Variants in SORBS2 observed in about 807,000 individuals in gnomAD.
The protein encoded by SORBS2 is sorbin and SH3 domain-containing protein 2.
Under a neutral mutation model 97.7 loss-of-function variants are expected in SORBS2, and 46 were observed. The observed-to-expected ratio is 0.47, with a 90% CI of 0.37 to 0.60. The LOEUF (loss-of-function observed/expected upper bound fraction) is 0.60, where lower values mean the gene tolerates loss of function less well. Among genes scored for constraint, SORBS2 ranks in the 20% least tolerant of loss-of-function variants. SORBS2 has a pLI of 0.00. For missense variants in SORBS2, 1,316 were observed against 1,282.3 expected (o/e 1.03, Z -0.40); for synonymous variants, 476 against 473.4 (o/e 1.01, Z -0.07).
chr4:185,709,311 T>TTTTTTTTTG (rs2098394708), intron 2 of SORBS2, among the ~76,000 whole-genome samples: 1 of 145,734 alleles, frequency 6.9e-6, no homozygotes, highest in African/African-American at 2.6e-5. Flanking sequence ...AATCTTTTTT[T>TTTTTTTTTG]TTTTTTTTTT....
intron 12 of SORBS2, among the ~76,000 whole-genome samples, chr4:185,601,344 C>T (rs2096257281): frequency 6.6e-6 from 1 of 152,120 alleles, no homozygotes; most frequent in Non-Finnish European, 1.5e-5. Flanking sequence ...AAGCTGAGAC[C>T]GAGGGGATAT....
At chr4:185,647,132 CATGTTT>C (rs2097220857) in intron 3 of SORBS2, among the ~76,000 whole-genome samples, 1 of 152,140 alleles carries the variant, frequency 6.6e-6, no homozygotes, top group African/African-American at 2.4e-5. Flanking sequence ...ATGCACACAC[CATGTTT>C]GATCTTATTT....
Position 185,814,159 on chromosome 4 carries a change from C to G in SORBS2, c.-337-38793G>C, listed in dbSNP as rs1013031714. On this transcript the variant is annotated intron_variant, in intron 1 of 20. Coordinates refer to the SORBS2 transcript ENST00000284776. Reference sequence around the variant, plus strand: ...GGATATCAAGAAAACTCTAGGTGCACTTGATGTTTTAGGGTGGCTTTTCTT... The same window carrying G: ...GGATATCAAGAAAACTCTAGGTGCAGTTGATGTTTTAGGGTGGCTTTTCTT... Among the ~76,000 whole-genome samples the G allele has an allele frequency of 7.9e-5, 12 of 152,072 alleles. No individual in the cohort carries two copies. In the East Asian group the frequency reaches 2.1e-3, roughly 27 times the overall value.
intron 2 of SORBS2, among the ~76,000 whole-genome samples, chr4:185,730,241 G>T (rs992032655): frequency 6.0e-5 from 9 of 150,702 alleles, no homozygotes; most frequent in Non-Finnish European, 1.3e-4. Flanking sequence ...AAACAATGAT[G>T]TGCAAGTACA....
At chr4:185,695,707 T>C (rs1344246449) in intron 2 of SORBS2, among the ~76,000 whole-genome samples, 2 of 152,240 alleles carry the variant, frequency 1.3e-5, no homozygotes, top group African/African-American at 4.8e-5. Context: ...ATAAGAAGTA[T>C]TCATAAATGC....
upstream of SORBS2, among the ~76,000 whole-genome samples, chr4:185,659,472 AGTG>A (rs2097475728): frequency 6.6e-6 from 1 of 151,786 alleles, no homozygotes; most frequent in African/African-American, 2.4e-5. Context: ...GCTGGAGTGC[AGTG>A]GCGCGATCTC....
intron 2 of SORBS2, among the ~76,000 whole-genome samples, chr4:185,755,719 C>G (rs145299865): frequency 5.3e-5 from 8 of 152,328 alleles, no homozygotes; most frequent in Admixed American, 5.2e-4. Flanking sequence ...CACTTAGACT[C>G]TCTTATCACT....
intron 1 of SORBS2, among the ~76,000 whole-genome samples, chr4:185,891,102 CTT>C (rs2099242287): frequency 2.2e-5 from 2 of 90,088 alleles, no homozygotes; most frequent in African/African-American, 6.7e-5. Flanking sequence ...TCTGCTTATT[CTT>C]TGTTTTTTAA....
At chr4:185,768,295 G>A (rs565248451) in intron 2 of SORBS2, among the ~76,000 whole-genome samples, 2 of 152,238 alleles carry the variant, frequency 1.3e-5, no homozygotes, top group South Asian at 4.1e-4. Context: ...AATGCACAAT[G>A]TTCTCACGTC....
At chr4:185,715,809 T>G (rs1188575266) in intron 2 of SORBS2, among the ~76,000 whole-genome samples, 1 of 151,972 alleles carries the variant, frequency 6.6e-6, no homozygotes, top group Non-Finnish European at 1.5e-5. Context: ...AAAAAAAGAG[T>G]GAAAACTACT....
At chr4:185,939,685 T>C (rs1329408701) in intron 1 of SORBS2, among the ~76,000 whole-genome samples, 1 of 152,198 alleles carries the variant, frequency 6.6e-6, no homozygotes, top group Non-Finnish European at 1.5e-5. Flanking sequence ...TAATTTTGTA[T>C]TTTTAGTAGA....
chr4:185,884,695 T>C (rs1020264181), intron 1 of SORBS2, among the ~76,000 whole-genome samples: 1 of 152,190 alleles, frequency 6.6e-6, no homozygotes, highest in Admixed American at 6.5e-5. Flanking sequence ...AGGACCACTT[T>C]CCTACAATGA....
chr4:185,660,414 G>T (rs564601869), upstream of SORBS2, among the ~76,000 whole-genome samples: 1 of 152,152 alleles, frequency 6.6e-6, no homozygotes, highest in Non-Finnish European at 1.5e-5. Flanking sequence ...TGGGCTGATT[G>T]TTAAAGGGCA....
At chr4:185,708,847 G>C (rs13140699) in intron 2 of SORBS2, among the ~76,000 whole-genome samples, 35,815 of 152,134 alleles carry the variant, frequency 0.24, 4,498 homozygotes, top group Non-Finnish European at 0.28. Context: ...GTTTTCTAGA[G>C]AGTTTCATGT....
intron 1 of SORBS2, among the ~76,000 whole-genome samples, chr4:185,882,077 C>G (rs1375910794): frequency 6.6e-6 from 1 of 151,930 alleles, no homozygotes; most frequent in Non-Finnish European, 1.5e-5. Context: ...TGCATTAATG[C>G]AAAATTATAT....
intron 1 of SORBS2, among the ~76,000 whole-genome samples, chr4:185,876,825 C>T (rs187913235): frequency 7.6e-4 from 115 of 152,230 alleles, no homozygotes; most frequent in Non-Finnish European, 1.2e-3. Flanking sequence ...TGCTAAGCCA[C>T]GTAGGATGCT....
chr4:185,925,204 T>C (rs550593974), intron 1 of SORBS2, among the ~76,000 whole-genome samples: 3 of 152,348 alleles, frequency 2.0e-5, no homozygotes, highest in Admixed American at 6.5e-5. Flanking sequence ...GAGGCCACTT[T>C]GGACTTTTTC....
intron 1 of SORBS2, among the ~76,000 whole-genome samples, chr4:185,816,177 C>T (rs988581035): frequency 6.6e-6 from 1 of 152,182 alleles, no homozygotes; most frequent in Non-Finnish European, 1.5e-5. Context: ...TCCTCTGGTT[C>T]GTATTTTGAA....
At chr4:185,896,640 T>A (rs1435839918) in intron 1 of SORBS2, among the ~76,000 whole-genome samples, 1 of 152,158 alleles carries the variant, frequency 6.6e-6, no homozygotes, top group Non-Finnish European at 1.5e-5. Context: ...TGGAAATTCC[T>A]TACTTCTTAT....
Sources: gnomAD v4.1 joint callset for allele counts (sites outside exome capture counted in the v4.1 genomes callset) on GRCh38, gnomAD v4.1.1 for gene constraint, MANE v1.5 for transcripts, NCBI Gene and HGNC (gene_info 2026-07-23, HGNC 2026-07-21) for gene names.